Variants in SHROOM2 observed in about 807,000 individuals in gnomAD.
SHROOM2 encodes protein Shroom2.
In SHROOM2, 33 loss-of-function variants were observed where a neutral mutation model predicts 75.9. The ratio of observed to expected loss-of-function variants is 0.43; its 90% confidence interval spans 0.33 to 0.58. The LOEUF (loss-of-function observed/expected upper bound fraction) is 0.58, where lower values mean the gene tolerates loss of function less well. Among genes scored for constraint, SHROOM2 ranks in the 20% least tolerant of loss-of-function variants. SHROOM2 has a pLI of 0.04. For missense variants in SHROOM2, 1,434 were observed against 1,461.2 expected (o/e 0.98, Z 0.30); for synonymous variants, 655 against 663.6 (o/e 0.99, Z 0.20).
chrX:9,939,405 C>T, intron 8 of SHROOM2, 39 bp downstream of exon 8: 1 of 1,084,931 alleles, frequency 9.2e-7, no homozygotes, highest in Non-Finnish European at 1.2e-6. Flanking sequence ...TGTGCGTGTC[C>T]AGGCAGGGGC....
chrX:9,876,810 TTTTG>T (rs1029489080), intron 2 of SHROOM2, among the ~76,000 whole-genome samples: 42 of 112,153 alleles, frequency 3.7e-4, no homozygotes, highest in African/African-American at 1.3e-3. Flanking sequence ...ATCCGTGGTT[TTTTG>T]TTTGTTAAAG....
At chrX:9,928,294 A>T (rs1192008712) in intron 5 of SHROOM2, among the ~76,000 whole-genome samples, 1 of 112,310 alleles carries the variant, frequency 8.9e-6, no homozygotes, top group Non-Finnish European at 1.9e-5. Context: ...TGGCATTAGC[A>T]TGTTTTGCAT....
rs2084838255 is a variant in SHROOM2, at chrX:9,948,069, C to G, written c.*1132C>G. ...CAGTTCCCAATTGACAAGTCACAGACTGGGAGAAAATATTTGCAAATCGTG... is the reference window on the plus strand; with the variant it reads ...CAGTTCCCAATTGACAAGTCACAGAGTGGGAGAAAATATTTGCAAATCGTG... On this transcript the variant is annotated 3_prime_UTR_variant, in exon 10 of 10. Coordinates refer to ENST00000380913, the MANE Select transcript of SHROOM2 (RefSeq NM_001649.4). 8.9e-6 allele frequency: 1 copy of G among 112,062 alleles called. No individual in the cohort carries two copies. The highest frequency in any genetic ancestry group is 4.2e-3 in the Middle Eastern group (1 of 238). 9.2% of individuals were successfully genotyped at this position (112,062 alleles called of 1,213,427 possible). A position where few individuals can be genotyped will look rare whatever the true frequency, so the allele number is the denominator to read the frequency against.
chrX:9,923,417 A>G (rs1195988666), intron 5 of SHROOM2, among the ~76,000 whole-genome samples: 1 of 112,231 alleles, frequency 8.9e-6, no homozygotes, highest in African/African-American at 3.2e-5. Flanking sequence ...CTTCAGGAAT[A>G]GCTTTGAATA....
At chrX:9,878,316 G>C (rs1346912709) in intron 2 of SHROOM2, among the ~76,000 whole-genome samples, 1 of 111,314 alleles carries the variant, frequency 9.0e-6, no homozygotes, top group Non-Finnish European at 1.9e-5. Context: ...CCTCTTTGCT[G>C]GCAGCCCTAA....
At chrX:9,868,234 AT>A (rs2084151448) in intron 1 of SHROOM2, among the ~76,000 whole-genome samples, 1 of 57,370 alleles carries the variant, frequency 1.7e-5, no homozygotes, top group African/African-American at 4.6e-5. Flanking sequence ...TTTTATTTTT[AT>A]TTTTATTTTA....
chrX:9,839,385 A>G (rs771362843), intron 1 of SHROOM2, among the ~76,000 whole-genome samples: 1 of 111,456 alleles, frequency 9.0e-6, no homozygotes, highest in Non-Finnish European at 1.9e-5. Flanking sequence ...CTGACCAGAA[A>G]GGAAGCCGCA....
chrX:9,815,303 C>G (rs1313264440), intron 1 of SHROOM2, among the ~76,000 whole-genome samples: 1 of 110,394 alleles, frequency 9.1e-6, no homozygotes, highest in African/African-American at 3.3e-5. Flanking sequence ...ATTAAGCAGG[C>G]AACTCCAGAA....
intron 5 of SHROOM2, among the ~76,000 whole-genome samples, chrX:9,922,105 A>G (rs1035739096): frequency 3.6e-5 from 4 of 111,895 alleles, no homozygotes; most frequent in African/African-American, 1.3e-4. Context: ...CCAGGCTGGC[A>G]TGCAGTGACA....
rs757924857 is a variant in SHROOM2 at position 9,823,014 on chromosome X, TCTC to T, written c.165+36307_165+36309del. Among the ~76,000 whole-genome samples, 339 of 63,336 alleles carry T rather than the reference TCTC, an allele frequency of 5.4e-3. 5 individuals carry two copies. The highest frequency in any genetic ancestry group is 0.021 in the African/African-American group (288 of 13,412). 55.0% of individuals were successfully genotyped at this position (63,336 alleles called of 115,157 possible). A position where few individuals can be genotyped will look rare whatever the true frequency, so the allele number is the denominator to read the frequency against. ...TTCTTCTTCTTCTTCTTCTTCTTCT[TCTC>T]CTTCTCCTTCTCCTCCTCCTCCTCC... On this transcript the variant is annotated intron_variant, in intron 1 of 9. Transcript: ENST00000380913.
intron 5 of SHROOM2, among the ~76,000 whole-genome samples, chrX:9,925,239 C>T (rs1191945805): frequency 2.7e-5 from 3 of 111,764 alleles, no homozygotes; most frequent in African/African-American, 9.8e-5. Flanking sequence ...ACACCAGGTA[C>T]TCGTTCGGGA....
intron 1 of SHROOM2, among the ~76,000 whole-genome samples, chrX:9,803,824 T>C (rs1392859226): frequency 1.8e-5 from 2 of 111,408 alleles, no homozygotes; most frequent in Non-Finnish European, 3.8e-5. Context: ...TCCATGGGCA[T>C]ACAAGGGAAA....
chrX:9,900,203 G>A (rs1424843173), intron 5 of SHROOM2, among the ~76,000 whole-genome samples: 5 of 110,766 alleles, frequency 4.5e-5, no homozygotes, highest in Non-Finnish European at 7.6e-5. Context: ...TGTTGGGTGC[G>A]GTTTTTTTTT....
At chrX:9,892,431 A>G (rs920598799) in intron 3 of SHROOM2, among the ~76,000 whole-genome samples, 1 of 111,175 alleles carries the variant, frequency 9.0e-6, no homozygotes, top group African/African-American at 3.3e-5. Flanking sequence ...CAAAAAAACA[A>G]AAAGCCACAG....
chrX:9,932,949 G>T, intron 6 of SHROOM2, 79 bp downstream of exon 6: 1 of 858,125 alleles, frequency 1.2e-6, no homozygotes, highest in Non-Finnish European at 1.6e-6. Flanking sequence ...TTTCTGGGGA[G>T]TCACCTGGGC....
Position 9,937,610 on chromosome X carries a change from A to G in SHROOM2, c.4064A>G (p.Glu1355Gly). The change falls in exon 7 of 10, where the codon GAG (glutamate) becomes GGG (glycine). Residue 1355 changes from glutamate (E) to glycine (G), a missense_variant. Coordinates refer to ENST00000380913, the MANE Select transcript of SHROOM2 (RefSeq NM_001649.4). Reference sequence around the variant, plus strand: ...ATGGAAGGCATCTTCCCCAAAGACGAGCACCTCCTGGAAGAAGCCCAGCAA... The same window carrying G: ...ATGGAAGGCATCTTCCCCAAAGACGGGCACCTCCTGGAAGAAGCCCAGCAA... ...DLMEGIFPKD[E>G]HLLEEAQQRR... is the part of the protein sequence containing the mutation. 2.5e-6 allele frequency: 3 copies of G among 1,211,194 alleles called. No individual in the cohort carries two copies. Among genetic ancestry groups the G allele is most frequent in the Non-Finnish European group, 3.4e-6 (3 of 895,217 alleles).
chrX:9,912,945 G>C (rs764533899), intron 5 of SHROOM2: 2 of 112,191 alleles, frequency 1.8e-5, no homozygotes, highest in African/African-American at 6.5e-5. Context: ...TGGGATTCAC[G>C]GTTAGCTGAA....
chrX:9,865,554 C>CTTT (rs56790591), intron 1 of SHROOM2: 37 of 42,599 alleles, frequency 8.7e-4, no homozygotes, highest in African/African-American at 2.0e-3. Flanking sequence ...TTCCTGCTGC[C>CTTT]TTTTTTTTTT....
At chrX:9,834,467 A>G (rs1387019664) in intron 1 of SHROOM2, among the ~76,000 whole-genome samples, 1 of 111,869 alleles carries the variant, frequency 8.9e-6, no homozygotes, top group Non-Finnish European at 1.9e-5. Flanking sequence ...AACAGGGAGC[A>G]GAGCTCGGTG....
Sources: gnomAD v4.1 joint callset for allele counts (sites outside exome capture counted in the v4.1 genomes callset) on GRCh38, gnomAD v4.1.1 for gene constraint, MANE v1.5 for transcripts, NCBI Gene and HGNC (gene_info 2026-07-23, HGNC 2026-07-21) for gene names.